The following ANKS1A variants were observed in gnomAD, a reference collection of about 807,000 sequenced individuals.
ANKS1A encodes the protein ankyrin repeat and sterile alpha motif domain containing 1A.
Under a neutral mutation model 120.3 loss-of-function variants are expected in ANKS1A, and 55 were observed. The ratio of observed to expected loss-of-function variants is 0.46; its 90% confidence interval spans 0.37 to 0.57. The LOEUF (loss-of-function observed/expected upper bound fraction) is 0.57, where lower values mean the gene tolerates loss of function less well. Among genes scored for constraint, ANKS1A ranks in the 20% least tolerant of loss-of-function variants. The pLI, the probability that ANKS1A is intolerant of heterozygous loss-of-function variation, is 0.00. For missense variants in ANKS1A, 1,123 were observed against 1,480.3 expected (o/e 0.76, Z 3.96); for synonymous variants, 590 against 604.7 (o/e 0.98, Z 0.36).
At chr6:34,950,280 A>T (rs889909157) in intron 1 of ANKS1A, among the ~76,000 whole-genome samples, 2 of 131,560 alleles carry the variant, frequency 1.5e-5, no homozygotes, top group African/African-American at 6.1e-5. Flanking sequence ...AGGCTGGAGT[A>T]CAGTGGCGCG....
downstream of ANKS1A, among the ~76,000 whole-genome samples, chr6:35,091,949 G>A (rs1429821523): frequency 1.3e-5 from 2 of 152,208 alleles, no homozygotes; most frequent in Non-Finnish European, 2.9e-5. Context: ...GTGCTGAGCT[G>A]TATTTAAAGG....
rs569097713 is a variant in ANKS1A at position 34,951,854 on chromosome 6, G to A, written c.198-15385G>A. 1.4e-3 allele frequency among the ~76,000 whole-genome samples: 213 copies of A among 152,244 alleles called. 2 individuals are homozygous for A. Among genetic ancestry groups the A allele is most frequent in the African/African-American group, 4.9e-3 (202 of 41,554 alleles). On this transcript the variant is annotated intron_variant, in intron 1 of 23. Coordinates refer to ENST00000360359, the MANE Select transcript of ANKS1A (RefSeq NM_015245.3). The stretch of plus-strand genomic sequence containing the variant: ...ACTACCTCTACTCATGTCCCTCTGG[G>A]ACTCATTTCCTCCCTAGAACATCAC...
chr6:34,898,956 T>C (rs1185881831), intron 1 of ANKS1A, among the ~76,000 whole-genome samples: 2 of 152,198 alleles, frequency 1.3e-5, no homozygotes, highest in Non-Finnish European at 2.9e-5. Context: ...TGAACATGCA[T>C]GTGGATAAGT....
intron 10 of ANKS1A, among the ~76,000 whole-genome samples, chr6:34,996,079 C>CTA (rs1405466454): frequency 1.3e-5 from 2 of 152,112 alleles, no homozygotes; most frequent in Non-Finnish European, 2.9e-5. Context: ...CATCTACTTG[C>CTA]TATATATATC....
chr6:34,939,025 ACTCAT>A lies in ANKS1A; in HGVS notation c.198-28208_198-28204del, dbSNP rs1247641022. Among the ~76,000 whole-genome samples, 16 of 152,190 alleles carry A rather than the reference ACTCAT, an allele frequency of 1.1e-4. No individual in the cohort carries two copies. The East Asian group carries it at 2.3e-3, about 22-fold the overall frequency. ...AAACAAAACCAAGTATTTCTTTGAAACTCATCTCATAAGTAGTTGCAAAATTGGAG... is the reference window on the plus strand; with the variant it reads ...AAACAAAACCAAGTATTTCTTTGAAACTCATAAGTAGTTGCAAAATTGGAG... On this transcript the variant is annotated intron_variant, in intron 1 of 23. Coordinates refer to ENST00000360359, the MANE Select transcript of ANKS1A (RefSeq NM_015245.3).
intron 1 of ANKS1A, among the ~76,000 whole-genome samples, chr6:34,933,531 CG>C: frequency 6.6e-6 from 1 of 152,228 alleles, no homozygotes; most frequent in East Asian, 1.9e-4. Flanking sequence ...CCACCACGCC[CG>C]GCTAGTTTTG....
chr6:35,033,952 A>G (rs1775032245), intron 11 of ANKS1A, among the ~76,000 whole-genome samples: 1 of 152,188 alleles, frequency 6.6e-6, no homozygotes, highest in Non-Finnish European at 1.5e-5. Flanking sequence ...GTTAACACTC[A>G]GGTTCCTTTG....
At chr6:34,991,614 G>GTATATACACACACATATATACA (rs1772530562) in intron 9 of ANKS1A, among the ~76,000 whole-genome samples, 2 of 125,174 alleles carry the variant, frequency 1.6e-5, no homozygotes, top group African/African-American at 6.6e-5. Context: ...ATATATATAC[G>GTATATACACACACATATATACA]TATATACACA....
At chr6:34,991,860 A>G (rs2127536600) in intron 9 of ANKS1A, among the ~76,000 whole-genome samples, 1 of 151,496 alleles carries the variant, frequency 6.6e-6, no homozygotes, top group Non-Finnish European at 1.5e-5. Context: ...AAAGGAAAAA[A>G]AAAAAAGATT....
At chr6:35,007,399 A>AG (rs1773519137) in intron 10 of ANKS1A, among the ~76,000 whole-genome samples, 2 of 152,264 alleles carry the variant, frequency 1.3e-5, no homozygotes, top group African/African-American at 4.8e-5. Flanking sequence ...TTAACTGGGT[A>AG]TTCCTGTTGA....
At chr6:34,894,908 C>T (rs1766996990) in intron 1 of ANKS1A, among the ~76,000 whole-genome samples, 1 of 152,126 alleles carries the variant, frequency 6.6e-6, no homozygotes. Flanking sequence ...GCCAAGGAGA[C>T]TTGCTGGAGA....
intron 3 of ANKS1A, among the ~76,000 whole-genome samples, chr6:34,973,925 CCCCTT>C (rs1771335129): frequency 1.2e-5 from 1 of 84,328 alleles, no homozygotes. Context: ...CCTTCCCCTT[CCCCTT>C]CCCTTCCCCT....
intron 10 of ANKS1A, among the ~76,000 whole-genome samples, chr6:35,004,154 C>CG (rs1773316397): frequency 6.6e-6 from 1 of 152,016 alleles, no homozygotes; most frequent in Admixed American, 6.6e-5. Flanking sequence ...CGGACCCCCC[C>CG]TTAGAGTTGT....
rs751550830 is a variant in ANKS1A, at chr6:35,005,770, T to G, written c.1423+11348T>G. 1.8e-5 allele frequency: 8 copies of G among 449,244 alleles called. No homozygotes were observed. The East Asian group carries it at 5.8e-4, about 32-fold the overall frequency. The allele number at this position is 449,244 out of a possible 1,614,324, so 27.8% of individuals were successfully genotyped here. Reference sequence around the variant, plus strand: ...ATGAAGATGCTATAAAGAATATTGTTGGCCGGGCATGGTGGCTCATGCCTG... The same window carrying G: ...ATGAAGATGCTATAAAGAATATTGTGGGCCGGGCATGGTGGCTCATGCCTG... On this transcript the variant is annotated intron_variant, in intron 10 of 23. Transcript: ENST00000360359.
intron 1 of ANKS1A, among the ~76,000 whole-genome samples, chr6:34,910,488 G>A (rs142362107): frequency 1.3e-3 from 204 of 152,294 alleles, no homozygotes; most frequent in African/African-American, 4.5e-3. Flanking sequence ...TTGAGCCTCG[G>A]AGGTGGAGGC....
intron 11 of ANKS1A, among the ~76,000 whole-genome samples, chr6:35,019,037 G>T (rs1208715955): frequency 2.0e-5 from 3 of 152,140 alleles, no homozygotes; most frequent in African/African-American, 7.2e-5. Context: ...AATGAAGATT[G>T]GGGAGTAGAA....
In ANKS1A at chr6:35,079,567, C is replaced by A; in HGVS notation, c.2335C>A (p.Leu779Met). ...CAGCCCCCCTAGCGTGCCCTCCTGG[C>A]TGGACTCCCTGGGGCTGCAGGACTA... ...GNSPPSVPSW[L>M]DSLGLQDYVH... Residue 779 changes from leucine to methionine, a missense_variant, in exon 15 of 24, where the codon CTG (leucine) becomes ATG (methionine). Transcript: ENST00000360359. The A allele has an allele frequency of 6.2e-7, 1 of 1,614,136 alleles. No homozygotes were observed. Among genetic ancestry groups the A allele is most frequent in the Non-Finnish European group, 8.5e-7 (1 of 1,180,002 alleles).
chr6:35,089,824 T>C lies in ANKS1A; in HGVS notation c.*1215T>C, dbSNP rs914030003. 8 of 1,025,876 alleles carry C rather than the reference T, an allele frequency of 7.8e-6. No individual in the cohort carries two copies. Among genetic ancestry groups the C allele is most frequent in the Non-Finnish European group, 9.4e-6 (8 of 854,996 alleles). 63.5% of individuals were successfully genotyped at this position (1,025,876 alleles called of 1,614,324 possible). A position where few individuals can be genotyped will look rare whatever the true frequency, so the allele number is the denominator to read the frequency against. ...ACTGCTGTGGATTTGAGAGGCAAAG[T>C]TGGCTCAGCTGTGTGCCCAGTTCCT... On this transcript the variant is annotated 3_prime_UTR_variant, in exon 24 of 24. Transcript: ENST00000360359.
Position 34,925,657 on chromosome 6 carries a change from A to AAT in ANKS1A, c.197+36060_197+36061dup, listed in dbSNP as rs565477334. Among the ~76,000 whole-genome samples, 24 of 152,260 alleles carry AAT rather than the reference A, an allele frequency of 1.6e-4. No individual in the cohort carries two copies. The East Asian group carries it at 3.7e-3, about 23-fold the overall frequency. On this transcript the variant is annotated intron_variant, in intron 1 of 23. Coordinates refer to ENST00000360359, the MANE Select transcript of ANKS1A (RefSeq NM_015245.3). ...AATGGTGTATGGGGTATGAGGGAAA[A>AAT]ATAGTTTTAGCCTGATACTGGGTGC... is the stretch of plus-strand genomic sequence containing the variant.
Sources: gnomAD v4.1 joint callset for allele counts (sites outside exome capture counted in the v4.1 genomes callset) on GRCh38, gnomAD v4.1.1 for gene constraint, MANE v1.5 for transcripts, NCBI Gene and HGNC (gene_info 2026-07-23, HGNC 2026-07-21) for gene names.